The following VPS9D1 variants were observed in gnomAD, a reference collection of about 807,000 sequenced individuals.
VPS9D1 encodes the protein VPS9 domain containing 1.
Under a neutral mutation model 75.8 loss-of-function variants are expected in VPS9D1, and 78 were observed. That is an observed-to-expected ratio of 1.03 (90% confidence interval 0.86 to 1.24). The LOEUF (loss-of-function observed/expected upper bound fraction) is 1.24. Ranked by LOEUF, VPS9D1 falls within the 50% of genes most tolerant of loss-of-function variation. The pLI is 0.00. For missense variants in VPS9D1, 1,057 were observed against 847.7 expected (o/e 1.25, Z -3.07); for synonymous variants, 481 against 385.6 (o/e 1.25, Z -2.90).
rs777363379 is a variant in VPS9D1 at position 89,708,482 on chromosome 16, C to T, written c.1747G>A (p.Gly583Ser). ...PILSFVVLRSGLPQLVSECAA... is the reference protein window; with the variant it reads ...PILSFVVLRSSLPQLVSECAA... ...CACTCCGACACCAGCTGAGGGAGGC[C>T]GCTCCTCAGCACCACGAAGGACAGG... The change falls in exon 14 of 15, where the codon GGC (glycine) becomes AGC (serine). Residue 583 changes from glycine to serine, a missense_variant. Physicochemically the swap from Gly to Ser is moderately conservative, Grantham distance 56. Coordinates refer to ENST00000389386, the MANE Select transcript of VPS9D1 (RefSeq NM_004913.3). The T allele has an allele frequency of 9.4e-5, 151 of 1,613,138 alleles. No individual in the cohort carries two copies. The highest frequency in any genetic ancestry group is 1.5e-4 in the Admixed American group (9 of 59,992).
chr16:89,710,035 C>T, intron 10 of VPS9D1, 129 bp from the exon 11 acceptor site: 1 of 1,315,408 alleles, frequency 7.6e-7, no homozygotes, highest in Non-Finnish European at 1.0e-6. Context: ...TGCACCCACC[C>T]CTGACCCTCC....
At chr16:89,713,553 C>T (rs1355317530) in intron 4 of VPS9D1, among the ~76,000 whole-genome samples, 4 of 151,862 alleles carry the variant, frequency 2.6e-5, no homozygotes, top group Non-Finnish European at 2.9e-5. Context: ...CGCGCCCGGC[C>T]GGACTTTTGG....
chr16:89,716,420 C>A, intron 4 of VPS9D1, 42 bp downstream of exon 4: 1 of 1,608,966 alleles, frequency 6.2e-7, no homozygotes, highest in Non-Finnish European at 8.5e-7. Context: ...CCTCAAAAAC[C>A]CAATCCCAGG....
At position 89,716,455 on chromosome 16, in the gene VPS9D1, A is replaced by G. The variant is rs776503005; in HGVS notation, c.431+7T>C. The G allele has an allele frequency of 1.5e-5, 24 of 1,613,792 alleles. No individual in the cohort carries two copies. Among genetic ancestry groups the G allele is most frequent in the Non-Finnish European group, 1.9e-5 (23 of 1,179,932 alleles). Reference sequence around the variant, plus strand: ...GCTCATCCCACCTCCCATCTTGTCCATCTTACTTCTTACAGCTTTGTGACT... The same window carrying G: ...GCTCATCCCACCTCCCATCTTGTCCGTCTTACTTCTTACAGCTTTGTGACT... On this transcript the variant is annotated splice_region_variant and intron_variant, in intron 4 of 14. Transcript: ENST00000389386.
At position 89,709,301 on chromosome 16, in the gene VPS9D1, G is replaced by A. The variant is rs1218299548; in HGVS notation, c.1523C>T (p.Pro508Leu). 3.1e-6 allele frequency: 5 copies of A among 1,608,108 alleles called. No homozygotes were observed. The South Asian group carries it at 4.4e-5, about 14-fold the overall frequency. ...GAGCTCCTGGGCCGCCGCGCAGTAG[G>A]GGTAGCCAGTGGCCCCCTTGGCCTC... ...NPEAKGATGY[P>L]YCAAAQELGL... The change falls in exon 12 of 15, where the codon CCC becomes CTC. Residue 508 changes from proline to leucine, a missense_variant. Coordinates refer to ENST00000389386, the MANE Select transcript of VPS9D1 (RefSeq NM_004913.3).
chr16:89,710,320 T>C (rs1055535980), intron 10 of VPS9D1, among the ~76,000 whole-genome samples: 8 of 152,044 alleles, frequency 5.3e-5, no homozygotes, highest in African/African-American at 1.9e-4. Context: ...GCGCGGTGGC[T>C]CATGCTTGTA....
chr16:89,714,454 C>T (rs1274889266), intron 4 of VPS9D1, among the ~76,000 whole-genome samples: 2 of 152,226 alleles, frequency 1.3e-5, no homozygotes, highest in African/African-American at 4.8e-5. Context: ...GCCACTCCAC[C>T]TTGAAAGCTT....
intron 1 of VPS9D1, 183 bp downstream of exon 1, chr16:89,720,580 A>G (rs1422016761): frequency 2.5e-6 from 3 of 1,218,592 alleles, no homozygotes; most frequent in East Asian, 3.7e-5. Flanking sequence ...TGAGCTGTCC[A>G]AGGTCACTGC....
intron 4 of VPS9D1, among the ~76,000 whole-genome samples, chr16:89,715,458 C>T (rs2151634509): frequency 6.6e-6 from 1 of 151,920 alleles, no homozygotes; most frequent in South Asian, 2.1e-4. Flanking sequence ...GATCTCCTGA[C>T]CTCATGATCC....
At chr16:89,710,429 G>A (rs1259371471) in intron 10 of VPS9D1, among the ~76,000 whole-genome samples, 157 bp downstream of exon 10, 1 of 152,174 alleles carries the variant, frequency 6.6e-6, no homozygotes, top group African/African-American at 2.4e-5. Context: ...CTACCACACT[G>A]TTTCCAAAAT....
chr16:89,719,196 C>G (rs1293146996), intron 1 of VPS9D1, 94 bp from the exon 2 acceptor site: 2 of 1,122,778 alleles, frequency 1.8e-6, no homozygotes, highest in South Asian at 2.5e-5. Context: ...AAGCAAGGAA[C>G]ACCACCACCT....
intron 2 of VPS9D1, chr16:89,717,696 C>A: frequency 2.2e-6 from 1 of 456,494 alleles, no homozygotes; most frequent in Non-Finnish European, 4.4e-6. Flanking sequence ...CACTGGAGTT[C>A]CTCTGTCTTC....
chr16:89,712,301 G>A (rs2060950604), intron 6 of VPS9D1, 159 bp downstream of exon 6: 2 of 1,336,974 alleles, frequency 1.5e-6, no homozygotes, highest in Non-Finnish European at 2.0e-6. Flanking sequence ...CGGCGGCCGG[G>A]CCTTCCCCTG....
chr16:89,708,669 G>C, intron 13 of VPS9D1, 138 bp from the exon 14 acceptor site: 1 of 1,113,772 alleles, frequency 9.0e-7, no homozygotes, highest in South Asian at 1.5e-5. Flanking sequence ...AGGCAGCTGG[G>C]CATGGTGAGG....
rs918998697 is a variant in VPS9D1, at chr16:89,719,660, C to T, written c.100-558G>A. On this transcript the variant is annotated intron_variant, in intron 1 of 14. Coordinates refer to ENST00000389386, the MANE Select transcript of VPS9D1 (RefSeq NM_004913.3). Reference sequence around the variant, plus strand: ...TGCACACAGGAGCCTAGAACTGTTACCTTTCAAGGCTGTGTGACCCCTCTG... The same window carrying T: ...TGCACACAGGAGCCTAGAACTGTTATCTTTCAAGGCTGTGTGACCCCTCTG... Among the ~76,000 whole-genome samples, 3 of 152,202 alleles carry T rather than the reference C, an allele frequency of 2.0e-5. No individual in the cohort carries two copies. In the South Asian group the frequency reaches 6.2e-4, roughly 32 times the overall value.
chr16:89,717,007 T>G, intron 2 of VPS9D1, 185 bp from the exon 3 acceptor site: 2 of 273,502 alleles, frequency 7.3e-6, no homozygotes, highest in Non-Finnish European at 1.2e-5. Context: ...TGCCCCCCCA[T>G]CCCCTCACCC....
Position 89,707,827 on chromosome 16 carries a change from C to G in VPS9D1, c.*34G>C. The G allele has an allele frequency of 6.2e-7, 1 of 1,602,832 alleles. No homozygotes were observed. The highest frequency in any genetic ancestry group is 8.5e-7 in the Non-Finnish European group (1 of 1,171,218). ...GGAGAGACAGCCCTGGGAGGCGAGG[C>G]CAGGCCCTGCAGGGACCCTGGGCTC... On this transcript the variant is annotated 3_prime_UTR_variant, in exon 15 of 15. Transcript: ENST00000389386.
chr16:89,713,500 C>A (rs1240520357), intron 4 of VPS9D1, among the ~76,000 whole-genome samples: 1 of 151,742 alleles, frequency 6.6e-6, no homozygotes, highest in Non-Finnish European at 1.5e-5. Flanking sequence ...GTGATCCACC[C>A]GCCTCGGCCT....
At position 89,707,538 on chromosome 16, in the gene VPS9D1, G is replaced by A. The variant is rs12598070; in HGVS notation, c.*323C>T. ...GAGCTGCCCCAGCCAGATGTTCATC[G>A]CTGAGCCTGCACCCACCGAAGCCCA... On this transcript the variant is annotated 3_prime_UTR_variant, in exon 15 of 15. Transcript: ENST00000389386. The A allele has an allele frequency of 8.7e-5, 21 of 242,212 alleles. No homozygotes were observed. In the East Asian group the frequency reaches 1.6e-3, roughly 18 times the overall value. 15.0% of individuals were successfully genotyped at this position (242,212 alleles called of 1,614,324 possible). A position where few individuals can be genotyped will look rare whatever the true frequency, so the allele number is the denominator to read the frequency against.
Sources: allele counts gnomAD v4.1 joint callset (sites outside exome capture counted in the v4.1 genomes callset), GRCh38; gene constraint gnomAD v4.1.1; transcripts MANE v1.5; gene names NCBI Gene and HGNC (gene_info 2026-07-23, HGNC 2026-07-21).